Variants in FHIP1A observed in about 807,000 individuals in gnomAD.
The protein encoded by FHIP1A is FHF complex subunit HOOK-interacting protein 1A.
In FHIP1A, 61 loss-of-function variants were observed where a neutral mutation model predicts 88.6. The observed-to-expected ratio is 0.69, with a 90% CI of 0.56 to 0.85. The LOEUF is 0.85. Among genes scored for constraint, FHIP1A ranks in the 40% least tolerant of loss-of-function variants. The pLI is 0.00. For synonymous variants in FHIP1A, 478 were observed against 496.0 expected (o/e 0.96, Z 0.48); for missense variants, 1,154 against 1,273.5 (o/e 0.91, Z 1.43).
chr4:151,655,829 G>A (rs1393176407), intron 11 of FHIP1A, among the ~76,000 whole-genome samples: 8 of 152,056 alleles, frequency 5.3e-5, no homozygotes, highest in African/African-American at 7.2e-5. Flanking sequence ...AAACCCTACC[G>A]TCCATACAGT....
intron 7 of FHIP1A, among the ~76,000 whole-genome samples, chr4:151,613,791 T>C (rs1735412462): frequency 1.3e-5 from 2 of 152,172 alleles, no homozygotes; most frequent in Non-Finnish European, 2.9e-5. Context: ...GGCATGAGCA[T>C]GGGTATTTTT....
chr4:151,661,927 G>A (rs1374375508), intron 13 of FHIP1A, among the ~76,000 whole-genome samples: 4 of 152,096 alleles, frequency 2.6e-5, no homozygotes, highest in African/African-American at 4.8e-5. Context: ...GGAATCTTCC[G>A]CTCTCCTTTT....
intron 3 of FHIP1A, among the ~76,000 whole-genome samples, chr4:151,505,175 G>C (rs1239614272): frequency 1.3e-5 from 2 of 152,054 alleles, no homozygotes; most frequent in Admixed American, 1.3e-4. Flanking sequence ...TTCTAGGGAG[G>C]GTTCTTACTT....
chr4:151,645,125 G>A (rs567173603), intron 9 of FHIP1A, among the ~76,000 whole-genome samples: 22 of 152,172 alleles, frequency 1.4e-4, no homozygotes, highest in East Asian at 5.8e-4. Context: ...ATGAAACTGC[G>A]CTTATGAAAA....
chr4:151,409,718 C>G (rs896794363), intron 1 of FHIP1A, among the ~76,000 whole-genome samples: 1 of 151,934 alleles, frequency 6.6e-6, no homozygotes, highest in Non-Finnish European at 1.5e-5. Flanking sequence ...CGGGGCGTAA[C>G]GCGGTGACTG....
At chr4:151,533,718 G>A (rs1253308184) in intron 3 of FHIP1A, among the ~76,000 whole-genome samples, 2 of 152,192 alleles carry the variant, frequency 1.3e-5, no homozygotes, top group East Asian at 3.9e-4. Flanking sequence ...ATTCAAGACA[G>A]GTAGCCTCCG....
chr4:151,523,768 C>T (rs1445376887), intron 3 of FHIP1A, among the ~76,000 whole-genome samples: 1 of 152,132 alleles, frequency 6.6e-6, no homozygotes, highest in Non-Finnish European at 1.5e-5. Flanking sequence ...TAGTTTCTTC[C>T]TTTCCAGTCC....
At chr4:151,509,919 G>C (rs1403950054) in intron 3 of FHIP1A, among the ~76,000 whole-genome samples, 1 of 152,090 alleles carries the variant, frequency 6.6e-6, no homozygotes, top group Non-Finnish European at 1.5e-5. Flanking sequence ...GAACCTTTTG[G>C]GAGGCCCAAT....
rs187589512 is a variant in FHIP1A, at chr4:151,595,778, A to C, written c.978+6852A>C. ...TGCATTGATCCCTTTACCATTATGT[A>C]ATGCCCTTCTTTGTCTCTTTTGATC... On this transcript the variant is annotated intron_variant, in intron 7 of 13. Coordinates refer to ENST00000435205, the MANE Select transcript of FHIP1A (RefSeq NM_001109977.3). Among the ~76,000 whole-genome samples the C allele has an allele frequency of 4.6e-5, 7 of 152,294 alleles. No individual in the cohort carries two copies. In the East Asian group the frequency reaches 1.3e-3, roughly 29 times the overall value.
rs538573075 is a variant in FHIP1A, at chr4:151,515,097, T to G, written c.-123+32449T>G. Among the ~76,000 whole-genome samples, 43 of 152,188 alleles carry G rather than the reference T, an allele frequency of 2.8e-4. No individual in the cohort carries two copies. The South Asian group carries it at 3.5e-3, about 12-fold the overall frequency. On this transcript the variant is annotated intron_variant, in intron 3 of 13. Coordinates refer to ENST00000435205, the MANE Select transcript of FHIP1A (RefSeq NM_001109977.3). ...TGAATCCAGCAGCACATCAAAAAGC[T>G]TATCCACCATGATCAAGTGGGCTTC...
At chr4:151,585,065 G>A (rs1294734332) in intron 5 of FHIP1A, among the ~76,000 whole-genome samples, 1 of 152,124 alleles carries the variant, frequency 6.6e-6, no homozygotes, top group East Asian at 1.9e-4. Flanking sequence ...AGATCAATGA[G>A]TATGTCACTA....
chr4:151,480,895 C>T (rs1729873000), intron 2 of FHIP1A, among the ~76,000 whole-genome samples: 2 of 151,846 alleles, frequency 1.3e-5, no homozygotes, highest in South Asian at 4.2e-4. Flanking sequence ...AAGCCTTTGA[C>T]ACACATACAC....
chr4:151,665,635 G>A lies in FHIP1A; in HGVS notation c.*2881G>A, dbSNP rs74720073. On this transcript the variant is annotated 3_prime_UTR_variant, in exon 14 of 14. Transcript: ENST00000435205. ...GAGAAGAGCAAATCCTGCACGATTCGGGGGAGTGAACATTGATCTAGGCGG... is the reference window on the plus strand; with the variant it reads ...GAGAAGAGCAAATCCTGCACGATTCAGGGGAGTGAACATTGATCTAGGCGG... Among the ~76,000 whole-genome samples the A allele has an allele frequency of 2.0e-5, 3 of 152,170 alleles. No homozygotes were observed. Among genetic ancestry groups the A allele is most frequent in the South Asian group, 4.1e-4 (2 of 4,830 alleles).
chr4:151,431,951 G>C (rs945767479), intron 1 of FHIP1A, among the ~76,000 whole-genome samples: 1 of 152,182 alleles, frequency 6.6e-6, no homozygotes, highest in Non-Finnish European at 1.5e-5. Flanking sequence ...CAGTGACAGA[G>C]CTGGGTTCTG....
At chr4:151,438,829 G>A (rs1212550306) in intron 1 of FHIP1A, among the ~76,000 whole-genome samples, 2 of 151,730 alleles carry the variant, frequency 1.3e-5, no homozygotes, top group African/African-American at 2.4e-5. Flanking sequence ...TCTTTGTAGA[G>A]AATGGGGTCT....
chr4:151,537,428 G>A (rs1489020322), intron 3 of FHIP1A, among the ~76,000 whole-genome samples: 1 of 152,010 alleles, frequency 6.6e-6, no homozygotes, highest in East Asian at 1.9e-4. Context: ...AATTATCTCT[G>A]TTCATGTCTT....
chr4:151,610,295 T>C (rs1346810048), intron 7 of FHIP1A, among the ~76,000 whole-genome samples: 3 of 152,258 alleles, frequency 2.0e-5, no homozygotes, highest in African/African-American at 4.8e-5. Flanking sequence ...TACATACTTG[T>C]TGGGAAAATA....
chr4:151,449,969 T>C (rs1260326280), intron 1 of FHIP1A, among the ~76,000 whole-genome samples: 1 of 152,206 alleles, frequency 6.6e-6, no homozygotes, highest in African/African-American at 2.4e-5. Context: ...ATCTTAAGTT[T>C]TATCAGCCTT....
At chr4:151,461,316 T>C (rs1168608360) in intron 2 of FHIP1A, among the ~76,000 whole-genome samples, 1 of 152,156 alleles carries the variant, frequency 6.6e-6, no homozygotes, top group African/African-American at 2.4e-5. Context: ...TCTCTGGGAA[T>C]AGGAGAGGGC....
Sources: allele counts gnomAD v4.1 joint callset (sites outside exome capture counted in the v4.1 genomes callset), GRCh38; gene constraint gnomAD v4.1.1; transcripts MANE v1.5; gene names NCBI Gene and HGNC (gene_info 2026-07-23, HGNC 2026-07-21).